Variants in CA5B observed in about 807,000 individuals in gnomAD.
The protein encoded by CA5B is carbonic anhydrase 5B, mitochondrial.
Under a neutral mutation model 23.1 loss-of-function variants are expected in CA5B, and 15 were observed. That is an observed-to-expected ratio of 0.65 (90% CI 0.43 to 1.00). The LOEUF (loss-of-function observed/expected upper bound fraction) is 1.00. CA5B is among the 50% of genes least tolerant of loss of function. The pLI is 0.00. For synonymous variants in CA5B, 84 were observed against 98.5 expected (o/e 0.85, Z 0.87); for missense variants, 236 against 252.2 (o/e 0.94, Z 0.43).
rs1932081619 is a variant in CA5B at position 15,784,603 on chromosome X, T to C, written c.*1939T>C. Reference sequence around the variant, plus strand: ...TGACTGGTAGTATTTCTTTCATTAATATGTTTGTCATCTGGTCTGCAAGAT... The same window carrying C: ...TGACTGGTAGTATTTCTTTCATTAACATGTTTGTCATCTGGTCTGCAAGAT... On this transcript the variant is annotated 3_prime_UTR_variant, in exon 8 of 8. Coordinates refer to ENST00000318636, the MANE Select transcript of CA5B (RefSeq NM_007220.4). 8.9e-6 allele frequency: 1 copy of C among 112,269 alleles called. No individual in the cohort carries two copies. The highest frequency in any genetic ancestry group is 3.7e-4 in the South Asian group (1 of 2,721). The allele number at this position is 112,269 out of a possible 1,213,427, so 9.3% of individuals were successfully genotyped here. A position where few individuals can be genotyped will look rare whatever the true frequency, so the allele number is the denominator to read the frequency against.
At chrX:15,780,472 C>A (rs1019420062) in intron 7 of CA5B, among the ~76,000 whole-genome samples, 1 of 110,769 alleles carries the variant, frequency 9.0e-6, no homozygotes, top group Admixed American at 9.7e-5. Flanking sequence ...TGGGGTTTCA[C>A]TGTGTTGGCC....
intron 2 of CA5B, among the ~76,000 whole-genome samples, chrX:15,752,750 A>G (rs1601781623): frequency 9.0e-6 from 1 of 110,810 alleles, no homozygotes; most frequent in Non-Finnish European, 1.9e-5. Flanking sequence ...CTCTGTTAAC[A>G]TAGCTAGATC....
chrX:15,748,700 T>G (rs1931287810), intron 1 of CA5B, among the ~76,000 whole-genome samples: 1 of 87,305 alleles, frequency 1.1e-5, no homozygotes, highest in African/African-American at 4.3e-5. Context: ...CCAGGTAATA[T>G]AGTGAGAACC....
intron 1 of CA5B, among the ~76,000 whole-genome samples, chrX:15,739,809 G>A (rs1006830587): frequency 9.0e-6 from 1 of 111,724 alleles, no homozygotes; most frequent in Non-Finnish European, 1.9e-5. Context: ...GGGAAGCTGA[G>A]CTTTCTCAGT....
At chrX:15,762,470 C>A (rs1439834949) in intron 2 of CA5B, among the ~76,000 whole-genome samples, 3 of 107,173 alleles carry the variant, frequency 2.8e-5, no homozygotes, top group African/African-American at 1.0e-4. Context: ...GAGACAGAGT[C>A]TTACTCTGTC....
Position 15,776,696 on chromosome X carries a change from A to C in CA5B, c.619-18A>C, listed in dbSNP as rs762911636. The C allele has an allele frequency of 1.3e-5, 16 of 1,189,941 alleles. No homozygotes were observed. Among genetic ancestry groups the C allele is most frequent in the Non-Finnish European group, 1.1e-6 (1 of 878,205 alleles). On this transcript the variant is annotated intron_variant, in intron 6 of 7. Coordinates refer to ENST00000318636, the MANE Select transcript of CA5B (RefSeq NM_007220.4). The stretch of plus-strand genomic sequence containing the variant: ...TTCACTACTAAATAATGACTCGGTT[A>C]TCTCTTCTCTTGGCCAGGACGCCCT...
chrX:15,747,849 GACAC>G (rs1931267407), intron 1 of CA5B, among the ~76,000 whole-genome samples: 1 of 111,023 alleles, frequency 9.0e-6, no homozygotes, highest in African/African-American at 3.3e-5. Flanking sequence ...TAACGACAGG[GACAC>G]ACACGTGGAG....
intron 1 of CA5B, among the ~76,000 whole-genome samples, chrX:15,739,610 G>GTGAA (rs1159979623): frequency 1.8e-5 from 2 of 111,696 alleles, no homozygotes; most frequent in Non-Finnish European, 3.8e-5. Context: ...TAAAGGTTGA[G>GTGAA]TGAATTGTGA....
chrX:15,751,097 G>T (rs1229695258), intron 2 of CA5B, among the ~76,000 whole-genome samples: 1 of 112,282 alleles, frequency 8.9e-6, no homozygotes, highest in Non-Finnish European at 1.9e-5. Flanking sequence ...TTGAGTTAAT[G>T]AAGAGATGAA....
intron 2 of CA5B, among the ~76,000 whole-genome samples, chrX:15,763,765 G>T (rs1368161689): frequency 8.9e-6 from 1 of 112,147 alleles, no homozygotes; most frequent in Non-Finnish European, 1.9e-5. Flanking sequence ...GATACTGGTA[G>T]TATGGGACAG....
chrX:15,780,330 T>A (rs1002434257), intron 7 of CA5B, among the ~76,000 whole-genome samples: 1 of 109,206 alleles, frequency 9.2e-6, no homozygotes, highest in Non-Finnish European at 1.9e-5. Flanking sequence ...TGGAGTGCAG[T>A]GGCACGATCT....
chrX:15,749,092 A>G, intron 1 of CA5B, among the ~76,000 whole-genome samples: 1 of 112,092 alleles, frequency 8.9e-6, no homozygotes, highest in South Asian at 3.7e-4. Context: ...ATGTGTCTCA[A>G]GTACTCAGAC....
intron 7 of CA5B, among the ~76,000 whole-genome samples, chrX:15,778,481 C>T (rs1375529485): frequency 2.7e-5 from 3 of 111,762 alleles, no homozygotes; most frequent in Non-Finnish European, 3.8e-5. Flanking sequence ...AATTAAATAG[C>T]GTGTTCCTGG....
At chrX:15,780,145 C>G (rs1489270997) in intron 7 of CA5B, among the ~76,000 whole-genome samples, 1 of 111,161 alleles carries the variant, frequency 9.0e-6, no homozygotes, top group Non-Finnish European at 1.9e-5. Context: ...TCCTTCTGGT[C>G]TCTTGTCTGT....
rs138875072 is a variant in CA5B at position 15,764,583 on chromosome X, C to G, written c.148C>G (p.Pro50Ala). Residue 50 changes from proline to alanine, a missense_variant, in exon 3 of 8, where the codon CCA (proline) becomes GCA (alanine). Transcript: ENST00000318636. ...GCTGACCTGCTTTCTCCTAGTGCAT[C>G]CACTCTGGGAGAGCGTGGACCTGGT... is the stretch of plus-strand genomic sequence containing the variant. ...TYKTRNRALHPLWESVDLVPG... is the reference protein window; with the variant it reads ...TYKTRNRALHALWESVDLVPG... 87 of 1,205,724 alleles carry G rather than the reference C, an allele frequency of 7.2e-5. No individual in the cohort carries two copies. Among genetic ancestry groups the G allele is most frequent in the Non-Finnish European group, 9.4e-5 (84 of 893,361 alleles).
intron 2 of CA5B, among the ~76,000 whole-genome samples, chrX:15,759,829 T>A (rs1931566847): frequency 1.1e-5 from 1 of 91,322 alleles, no homozygotes; most frequent in Admixed American, 1.4e-4. Flanking sequence ...CTCAGCTCAC[T>A]GCAGCCTCCA....
rs56915078 is a variant in CA5B, at chrX:15,759,734, C to CTTTTT, written c.143-4816_143-4812dup. Among the ~76,000 whole-genome samples, 140 of 37,409 alleles carry CTTTTT rather than the reference C, an allele frequency of 3.7e-3. 24 individuals are homozygous for CTTTTT. Among genetic ancestry groups the CTTTTT allele is most frequent in the African/African-American group, 0.018 (135 of 7,620 alleles). 32.5% of individuals were successfully genotyped at this position (37,409 alleles called of 115,157 possible). Reference sequence around the variant, plus strand: ...CCCATCAGCTAGAAATTACTGACACCTTTTTTTTTTTTTTTTTTTTTTTTT... The same window carrying CTTTTT: ...CCCATCAGCTAGAAATTACTGACACCTTTTTTTTTTTTTTTTTTTTTTTTTTTTTT... On this transcript the variant is annotated intron_variant, in intron 2 of 7. Transcript: ENST00000318636.
chrX:15,785,017 A>G lies in CA5B; in HGVS notation c.*2353A>G, dbSNP rs1217788549. ...GAGATATCGTCTCACGCCCATCATG[A>G]TGGCCACTATCAGAAGAACAAAAAA... On this transcript the variant is annotated 3_prime_UTR_variant, in exon 8 of 8. Coordinates refer to ENST00000318636, the MANE Select transcript of CA5B (RefSeq NM_007220.4). The G allele has an allele frequency of 1.8e-5, 2 of 112,232 alleles. No homozygotes were observed. Among genetic ancestry groups the G allele is most frequent in the Non-Finnish European group, 3.8e-5 (2 of 53,321 alleles). The allele number at this position is 112,232 out of a possible 1,213,427, so 9.2% of individuals were successfully genotyped here.
chrX:15,758,553 C>A (rs1242513407), intron 2 of CA5B, among the ~76,000 whole-genome samples: 1 of 111,340 alleles, frequency 9.0e-6, no homozygotes, highest in Non-Finnish European at 1.9e-5. Context: ...CTTGCCCAGA[C>A]TGGAGTGCAG....
Sources: allele counts gnomAD v4.1 joint callset (sites outside exome capture counted in the v4.1 genomes callset), GRCh38; gene constraint gnomAD v4.1.1; transcripts MANE v1.5; gene names NCBI Gene and HGNC (gene_info 2026-07-23, HGNC 2026-07-21).